Variants in JAZF1 observed in about 807,000 individuals in gnomAD.
JAZF1 encodes the protein JAZF zinc finger 1.
Under a neutral mutation model 26.4 loss-of-function variants are expected in JAZF1, and 8 were observed. The observed-to-expected ratio is 0.30, with a 90% CI of 0.18 to 0.55. The LOEUF is 0.55. Among genes scored for constraint, JAZF1 ranks in the 20% least tolerant of loss-of-function variants. The pLI is 0.94. For synonymous variants in JAZF1, 126 were observed against 122.3 expected (o/e 1.03, Z -0.20); for missense variants, 199 against 322.0 (o/e 0.62, Z 2.92).
At chr7:27,837,292 C>G (rs1029299931) in intron 4 of JAZF1, among the ~76,000 whole-genome samples, 1 of 152,258 alleles carries the variant, frequency 6.6e-6, no homozygotes, top group Non-Finnish European at 1.5e-5. Flanking sequence ...GAAGTCCTCT[C>G]TGTTCCCTGA....
chr7:28,122,167 G>A (rs12666122), intron 1 of JAZF1, among the ~76,000 whole-genome samples: 5,770 of 152,192 alleles, frequency 0.038, 295 homozygotes, highest in East Asian at 0.22. Flanking sequence ...TTTCTTGGGG[G>A]AAAGAAGTAA....
At chr7:28,088,051 C>A (rs998760054) in intron 1 of JAZF1, among the ~76,000 whole-genome samples, 6 of 152,230 alleles carry the variant, frequency 3.9e-5, no homozygotes, top group East Asian at 3.9e-4. Context: ...TACATCCTTG[C>A]CCCCCTCATA....
chr7:27,833,732 A>C (rs966809596), intron 4 of JAZF1, among the ~76,000 whole-genome samples: 10 of 152,242 alleles, frequency 6.6e-5, no homozygotes, highest in Non-Finnish European at 7.3e-5. Flanking sequence ...TAAAGTTATC[A>C]AAATGCTTTC....
At chr7:27,973,374 T>G (rs1785413000) in intron 2 of JAZF1, among the ~76,000 whole-genome samples, 1 of 152,122 alleles carries the variant, frequency 6.6e-6, no homozygotes, top group African/African-American at 2.4e-5. Context: ...TATAGCTCAT[T>G]GCAATCTTGA....
At chr7:28,068,544 A>G (rs556531152) in intron 1 of JAZF1, among the ~76,000 whole-genome samples, 1 of 152,292 alleles carries the variant, frequency 6.6e-6, no homozygotes, top group East Asian at 1.9e-4. Context: ...CACTAATAAG[A>G]TTTGACTCTA....
intron 3 of JAZF1, among the ~76,000 whole-genome samples, chr7:27,878,640 C>A (rs116333043): frequency 6.6e-6 from 1 of 152,076 alleles, no homozygotes; most frequent in Non-Finnish European, 1.5e-5. Flanking sequence ...TTTCTTTAAT[C>A]GGGAGGAGTT....
At chr7:28,143,370 G>A (rs1472489955) in intron 1 of JAZF1, among the ~76,000 whole-genome samples, 1 of 152,074 alleles carries the variant, frequency 6.6e-6, no homozygotes, top group Non-Finnish European at 1.5e-5. Context: ...TTTGTCTCTG[G>A]TGAAGCCTTC....
chr7:27,950,783 G>A (rs1197734191), intron 2 of JAZF1, among the ~76,000 whole-genome samples: 2 of 151,988 alleles, frequency 1.3e-5, no homozygotes, highest in Middle Eastern at 3.2e-3. Context: ...AGACTACATC[G>A]AGTAGTTGGT....
chr7:28,161,249 C>A, intron 1 of JAZF1, among the ~76,000 whole-genome samples: 1 of 104,066 alleles, frequency 9.6e-6, no homozygotes, highest in South Asian at 3.3e-4. Context: ...TTGAAAAATC[C>A]TTTAATCTAA....
intron 1 of JAZF1, among the ~76,000 whole-genome samples, chr7:28,010,339 C>T (rs1168369569): frequency 1.3e-5 from 2 of 152,176 alleles, no homozygotes; most frequent in Non-Finnish European, 2.9e-5. Flanking sequence ...GTCCCCCTTG[C>T]AAGGCTGCCA....
chr7:27,960,466 T>C (rs1785168587), intron 2 of JAZF1, among the ~76,000 whole-genome samples: 1 of 152,178 alleles, frequency 6.6e-6, no homozygotes, highest in African/African-American at 2.4e-5. Context: ...TGTGTAAAAA[T>C]GTAACAAGGA....
intron 3 of JAZF1, among the ~76,000 whole-genome samples, chr7:27,859,254 G>T (rs1387396773): frequency 6.6e-6 from 1 of 152,214 alleles, no homozygotes; most frequent in Admixed American, 6.5e-5. Flanking sequence ...GGAGAAACAG[G>T]AAGGCTTTTA....
At position 27,832,993 on chromosome 7, in the gene JAZF1, A is replaced by G. The variant is rs894942410; in HGVS notation, c.556-17T>C. 3 of 1,531,794 alleles carry G rather than the reference A, an allele frequency of 2.0e-6. No homozygotes were observed. The highest frequency in any genetic ancestry group is 2.1e-4 in the Middle Eastern group (1 of 4,672). The allele number at this position is 1,531,794 out of a possible 1,614,324, so 94.9% of individuals were successfully genotyped here. A position where few individuals can be genotyped will look rare whatever the true frequency, so the allele number is the denominator to read the frequency against. On this transcript the variant is annotated splice_polypyrimidine_tract_variant and intron_variant, in intron 4 of 4. Coordinates refer to ENST00000283928, the MANE Select transcript of JAZF1 (RefSeq NM_175061.4). ...ATTCACATTCTGTGGAGAAGACAAA[A>G]ATATTTATTACATGGATTCACAGGA... is the stretch of plus-strand genomic sequence containing the variant.
intron 1 of JAZF1, among the ~76,000 whole-genome samples, chr7:28,170,399 G>A (rs988590289): frequency 1.4e-5 from 2 of 138,618 alleles, no homozygotes; most frequent in South Asian, 2.3e-4. Flanking sequence ...GTGTGTATGT[G>A]TGTATGTGTG....
chr7:28,110,521 A>AAAGGAAAGGAAAGGGAAAGGGAAAGGG (rs1784635463), intron 1 of JAZF1, among the ~76,000 whole-genome samples: 1 of 60,228 alleles, frequency 1.7e-5, no homozygotes. Context: ...AAGGAAAAGG[A>AAAGGAAAGGAAAGGGAAAGGGAAAGGG]AAAGGAAAAG....
intron 1 of JAZF1, among the ~76,000 whole-genome samples, chr7:28,037,460 A>C (rs1440186111): frequency 6.6e-6 from 1 of 152,188 alleles, no homozygotes; most frequent in African/African-American, 2.4e-5. Flanking sequence ...AAAATGACTC[A>C]GGGAAAAAGA....
intron 1 of JAZF1, among the ~76,000 whole-genome samples, chr7:28,169,340 T>C (rs530050691): frequency 2.1e-4 from 32 of 152,318 alleles, no homozygotes; most frequent in Middle Eastern, 3.4e-3. Flanking sequence ...TTGAGACACA[T>C]TAGTTTAAAT....
At chr7:27,982,398 G>A (rs1562548552) in intron 2 of JAZF1, among the ~76,000 whole-genome samples, 1 of 152,194 alleles carries the variant, frequency 6.6e-6, no homozygotes, top group Admixed American at 6.5e-5. Flanking sequence ...CAGCGAGGCT[G>A]GGGGAGGGGC....
At chr7:28,138,717 A>G (rs1332179748) in intron 1 of JAZF1, among the ~76,000 whole-genome samples, 3 of 152,168 alleles carry the variant, frequency 2.0e-5, no homozygotes, top group Non-Finnish European at 4.4e-5. Flanking sequence ...TGAGTGTTAC[A>G]CTTGCAAAGA....
Sources: gnomAD v4.1 joint callset for allele counts (sites outside exome capture counted in the v4.1 genomes callset) on GRCh38, gnomAD v4.1.1 for gene constraint, MANE v1.5 for transcripts, NCBI Gene and HGNC (gene_info 2026-07-23, HGNC 2026-07-21) for gene names.